The following TAFA1 variants were observed in gnomAD, a reference collection of about 807,000 sequenced individuals.
The protein encoded by TAFA1 is chemokine-like protein TAFA-1.
A neutral mutation model predicts 18.5 loss-of-function variants in TAFA1; 4 were observed. The ratio of observed to expected loss-of-function variants is 0.22; its 90% CI spans 0.11 to 0.49. The LOEUF (loss-of-function observed/expected upper bound fraction) is 0.49, where lower values mean the gene tolerates loss of function less well. Among genes scored for constraint, TAFA1 ranks in the 20% least tolerant of loss-of-function variants. The pLI, the probability that TAFA1 is intolerant of heterozygous loss-of-function variation, is 0.98. For synonymous variants in TAFA1, 56 were observed against 55.2 expected (o/e 1.01, Z -0.06); for missense variants, 147 against 169.0 (o/e 0.87, Z 0.72).
intron 3 of TAFA1, among the ~76,000 whole-genome samples, chr3:68,487,643 T>G (rs2106672724): frequency 6.6e-6 from 1 of 151,288 alleles, no homozygotes; most frequent in African/African-American, 2.4e-5. Context: ...TCCTAGCTAC[T>G]CGGGAGGGTG....
chr3:68,539,895 G>A (rs565260821), intron 4 of TAFA1, among the ~76,000 whole-genome samples: 124 of 152,148 alleles, frequency 8.1e-4, no homozygotes, highest in Non-Finnish European at 1.2e-3. Context: ...AAAATGCTGG[G>A]ATTACAGGCC....
At chr3:68,385,178 C>T (rs2070067621) in intron 2 of TAFA1, among the ~76,000 whole-genome samples, 1 of 151,978 alleles carries the variant, frequency 6.6e-6, no homozygotes, top group Non-Finnish European at 1.5e-5. Flanking sequence ...GGTTTTCGCC[C>T]CTGAGGATTA....
chr3:68,385,458 C>G (rs2070075427), intron 2 of TAFA1, among the ~76,000 whole-genome samples: 1 of 152,026 alleles, frequency 6.6e-6, no homozygotes. Context: ...CCTTGGTTTT[C>G]ATCGTATTAG....
chr3:68,046,834 C>T (rs1365627763), intron 2 of TAFA1, among the ~76,000 whole-genome samples: 1 of 152,146 alleles, frequency 6.6e-6, no homozygotes, highest in Non-Finnish European at 1.5e-5. Flanking sequence ...CTGAATGGTA[C>T]TGTACATGCT....
At chr3:68,249,314 C>G (rs2067145579) in intron 2 of TAFA1, among the ~76,000 whole-genome samples, 1 of 152,172 alleles carries the variant, frequency 6.6e-6, no homozygotes, top group African/African-American at 2.4e-5. Context: ...TCTACCATGT[C>G]AAGATCACTT....
intron 2 of TAFA1, among the ~76,000 whole-genome samples, chr3:68,047,366 T>C (rs977427514): frequency 6.6e-6 from 1 of 152,050 alleles, no homozygotes; most frequent in East Asian, 1.9e-4. Context: ...ATGAGAAAAA[T>C]GCATAAATTC....
intron 2 of TAFA1, among the ~76,000 whole-genome samples, chr3:68,158,851 A>G (rs1285649813): frequency 6.6e-6 from 1 of 152,246 alleles, no homozygotes; most frequent in African/African-American, 2.4e-5. Flanking sequence ...TTTTGCATAT[A>G]CTGAAATAAA....
At chr3:68,531,143 C>G (rs929517264) in intron 3 of TAFA1, among the ~76,000 whole-genome samples, 1 of 152,108 alleles carries the variant, frequency 6.6e-6, no homozygotes, top group African/African-American at 2.4e-5. Flanking sequence ...CTTAGTCTCT[C>G]CGGGCTTCAG....
At chr3:68,293,406 A>G (rs1002274960) in intron 2 of TAFA1, among the ~76,000 whole-genome samples, 1 of 152,230 alleles carries the variant, frequency 6.6e-6, no homozygotes, top group Non-Finnish European at 1.5e-5. Context: ...AATAGAAAAA[A>G]AAATCCCTGT....
rs185756265 is a variant in TAFA1 at position 68,327,731 on chromosome 3, A to G, written c.119-89549A>G. Among the ~76,000 whole-genome samples, 8 of 152,326 alleles carry G rather than the reference A, an allele frequency of 5.3e-5. No homozygotes were observed. The East Asian group carries it at 1.4e-3, about 26-fold the overall frequency. ...GTGCACAGTTCAGTATCATTTATTC[A>G]TAATCAATTAACATGCATAAAAATC... On this transcript the variant is annotated intron_variant, in intron 2 of 4. Transcript: ENST00000478136.
Position 68,398,810 on chromosome 3 carries a change from C to T in TAFA1, c.119-18470C>T, listed in dbSNP as rs183273590. ...AAAATGTCTGCTGTCAAATTGACATCTAATCAAAGAAGAATGTTCATTTTC... is the reference window on the plus strand; with the variant it reads ...AAAATGTCTGCTGTCAAATTGACATTTAATCAAAGAAGAATGTTCATTTTC... On this transcript the variant is annotated intron_variant, in intron 2 of 4. Transcript: ENST00000478136. 2.4e-3 allele frequency among the ~76,000 whole-genome samples: 360 copies of T among 152,280 alleles called. 2 individuals are homozygous for T. The highest frequency in any genetic ancestry group is 4.2e-3 in the Non-Finnish European group (286 of 68,014).
chr3:68,164,890 G>A (rs1217717511), intron 2 of TAFA1, among the ~76,000 whole-genome samples: 1 of 152,058 alleles, frequency 6.6e-6, no homozygotes, highest in Admixed American at 6.6e-5. Context: ...TTTTAAGAAT[G>A]TATTTCCCCC....
chr3:68,436,783 G>A (rs931828304), intron 3 of TAFA1, among the ~76,000 whole-genome samples: 14 of 152,120 alleles, frequency 9.2e-5, no homozygotes, highest in African/African-American at 3.1e-4. Context: ...CTTCACAAAT[G>A]AACAGCGAGT....
intron 2 of TAFA1, among the ~76,000 whole-genome samples, chr3:68,399,050 G>A (rs983040282): frequency 4.6e-5 from 7 of 152,042 alleles, no homozygotes; most frequent in Admixed American, 6.6e-5. Context: ...CCATAAAAAT[G>A]TTAAGTTCTA....
chr3:68,410,199 G>A (rs2070686396), intron 2 of TAFA1, among the ~76,000 whole-genome samples: 1 of 151,954 alleles, frequency 6.6e-6, no homozygotes, highest in Non-Finnish European at 1.5e-5. Context: ...ATGTATTCAG[G>A]GCTCTAACAA....
chr3:68,345,358 T>A (rs747235154), intron 2 of TAFA1, among the ~76,000 whole-genome samples: 136 of 152,308 alleles, frequency 8.9e-4, no homozygotes, highest in Non-Finnish European at 1.8e-3. Flanking sequence ...TGCTGTGTAT[T>A]TCTCATCTGT....
intron 4 of TAFA1, among the ~76,000 whole-genome samples, chr3:68,542,597 C>T (rs1054667410): frequency 6.6e-6 from 1 of 152,078 alleles, no homozygotes; most frequent in Admixed American, 6.6e-5. Flanking sequence ...ACAGGTCTTA[C>T]TCAATTTAGA....
At chr3:68,408,870 G>A (rs1231475903) in intron 2 of TAFA1, among the ~76,000 whole-genome samples, 1 of 152,116 alleles carries the variant, frequency 6.6e-6, no homozygotes, top group African/African-American at 2.4e-5. Flanking sequence ...AGTCTTTGAG[G>A]AAAAGTTTCA....
At chr3:68,387,280 T>C (rs7610318) in intron 2 of TAFA1, among the ~76,000 whole-genome samples, 77,408 of 151,878 alleles carry the variant, frequency 0.51, 20,289 homozygotes, top group African/African-American at 0.58. Flanking sequence ...TGCTAGACTC[T>C]AAATGGCAGT....
Sources: gnomAD v4.1 joint callset for allele counts (sites outside exome capture counted in the v4.1 genomes callset) on GRCh38, gnomAD v4.1.1 for gene constraint, MANE v1.5 for transcripts, NCBI Gene and HGNC (gene_info 2026-07-23, HGNC 2026-07-21) for gene names.